Variants in LIX1 observed in about 807,000 individuals in gnomAD.
The protein encoded by LIX1 is limb and CNS expressed 1, also known as protein limb expression 1 homolog.
Under a neutral mutation model 33.4 loss-of-function variants are expected in LIX1, and 24 were observed. That is an observed-to-expected ratio of 0.72 (90% CI 0.52 to 1.01). The LOEUF is 1.01. Among genes scored for constraint, LIX1 ranks in the 50% least tolerant of loss-of-function variants. The pLI, the probability that LIX1 is intolerant of heterozygous loss-of-function variation, is 0.00. For missense variants in LIX1, 311 were observed against 339.2 expected, an observed-to-expected ratio of 0.92 and a Z score of 0.65; for synonymous variants, 124 against 124.0, an observed-to-expected ratio of 1.00 and a Z score of 0.00.
At chr5:97,114,221 G>A (rs750726914) in intron 2 of LIX1, among the ~76,000 whole-genome samples, 2 of 152,144 alleles carry the variant, frequency 1.3e-5, no homozygotes, top group Non-Finnish European at 2.9e-5. Flanking sequence ...TTCTCTGGCC[G>A]GGCATGGTAG....
chr5:97,113,051 CTT>C (rs1257225589), intron 2 of LIX1, among the ~76,000 whole-genome samples: 3 of 152,188 alleles, frequency 2.0e-5, no homozygotes, highest in Non-Finnish European at 4.4e-5. Flanking sequence ...CTTGCCATCT[CTT>C]TATAAGAGAA....
chr5:97,107,386 C>T lies in LIX1; in HGVS notation c.361G>A (p.Val121Ile). Residue 121 changes from valine (V) to isoleucine (I), a missense_variant, in exon 3 of 6, where the codon GTT (valine) becomes ATT (isoleucine). Transcript: ENST00000274382. ...CTGGTGGAGGCTACTGCTTCCTGAA[C>T]ACTTTCCATAATGAATTCCTTGGTG... ...RITKEFIMESVQEAVASTSGT... is the reference protein window; with the variant it reads ...RITKEFIMESIQEAVASTSGT... 6.2e-7 allele frequency: 1 copy of T among 1,612,396 alleles called. No homozygotes were observed. Among genetic ancestry groups the T allele is most frequent in the Non-Finnish European group, 8.5e-7 (1 of 1,179,990 alleles).
At chr5:97,123,148 A>G (rs940954359) in intron 2 of LIX1, among the ~76,000 whole-genome samples, 8 of 152,146 alleles carry the variant, frequency 5.3e-5, no homozygotes, top group African/African-American at 1.9e-4. Flanking sequence ...TGTTCCTAAG[A>G]GCATTCCTTG....
At chr5:97,130,827 TC>T (rs1052206934) in intron 1 of LIX1, among the ~76,000 whole-genome samples, 1 of 152,220 alleles carries the variant, frequency 6.6e-6, no homozygotes, top group Non-Finnish European at 1.5e-5. Context: ...ACTTTGCAGA[TC>T]GAGCTTCTTA....
At chr5:97,097,068 C>T (rs546296618) in intron 4 of LIX1, among the ~76,000 whole-genome samples, 181 bp from the exon 5 acceptor site, 1 of 152,316 alleles carries the variant, frequency 6.6e-6, no homozygotes, top group East Asian at 1.9e-4. Context: ...TTCTCTTCCT[C>T]CTTTGCTATA....
intron 1 of LIX1, among the ~76,000 whole-genome samples, chr5:97,129,400 T>TA (rs994688664): frequency 5.3e-4 from 79 of 149,498 alleles, no homozygotes; most frequent in African/African-American, 1.3e-3. Flanking sequence ...TAACAAGATT[T>TA]AAAAAAAAAA....
At chr5:97,096,647 A>G (rs1746389268) in intron 5 of LIX1, among the ~76,000 whole-genome samples, 163 bp downstream of exon 5, 1 of 152,162 alleles carries the variant, frequency 6.6e-6, no homozygotes, top group South Asian at 2.1e-4. Context: ...CCCTGACTCA[A>G]TGGGGCTGTT....
At chr5:97,128,942 C>G (rs1039257538) in intron 1 of LIX1, among the ~76,000 whole-genome samples, 7 of 152,198 alleles carry the variant, frequency 4.6e-5, no homozygotes, top group African/African-American at 1.7e-4. Context: ...GGTAATATCA[C>G]TGAATCTCAT....
rs1470767042 is a variant in LIX1, at chr5:97,093,359, T to G, written c.*1389A>C. On this transcript the variant is annotated 3_prime_UTR_variant, in exon 6 of 6. Transcript: ENST00000274382. ...AATTATTTTAAATTGAGAAAAACATTTTCTTTAATTTGGACTACTGAATAA... is the reference window on the plus strand; with the variant it reads ...AATTATTTTAAATTGAGAAAAACATGTTCTTTAATTTGGACTACTGAATAA... The G allele has an allele frequency of 1.3e-5, 2 of 152,466 alleles. No individual in the cohort carries two copies. The highest frequency in any genetic ancestry group is 2.4e-5 in the African/African-American group (1 of 41,590). The allele number at this position is 152,466 out of a possible 1,614,324, so 9.4% of individuals were successfully genotyped here.
chr5:97,129,997 C>G (rs1230252187), intron 1 of LIX1, among the ~76,000 whole-genome samples: 1 of 152,192 alleles, frequency 6.6e-6, no homozygotes, highest in Admixed American at 6.5e-5. Flanking sequence ...TGACATGTTT[C>G]CAACTTGGAA....
intron 4 of LIX1, among the ~76,000 whole-genome samples, chr5:97,104,431 T>C (rs1746901957): frequency 6.6e-6 from 1 of 152,200 alleles, no homozygotes; most frequent in Non-Finnish European, 1.5e-5. Context: ...CAGCCTGATA[T>C]AGGATAATAG....
At chr5:97,141,127 A>G (rs567973896) in intron 1 of LIX1, among the ~76,000 whole-genome samples, 1 of 149,588 alleles carries the variant, frequency 6.7e-6, no homozygotes, top group Admixed American at 6.6e-5. Flanking sequence ...CGTCCCCCCT[A>G]TTTTTTTTTT....
At chr5:97,127,816 C>A (rs547256695) in intron 1 of LIX1, among the ~76,000 whole-genome samples, 2 of 152,312 alleles carry the variant, frequency 1.3e-5, no homozygotes, top group South Asian at 4.1e-4. Flanking sequence ...ACAGAATAAA[C>A]TTGAGCTACC....
rs148471257 is a variant in LIX1 at position 97,112,233 on chromosome 5, C to T, written c.247-4733G>A. Among the ~76,000 whole-genome samples the T allele has an allele frequency of 3.4e-3, 523 of 152,294 alleles. 12 individuals are homozygous for T. Among genetic ancestry groups the T allele is most frequent in the Admixed American group, 0.03 (455 of 15,304 alleles). On this transcript the variant is annotated intron_variant, in intron 2 of 5. Transcript: ENST00000274382. ...TACTGGGGGAAGAAATTTAGCCAAA[C>T]GGCAATCTGCTTGGTTGCAATCTAA...
chr5:97,125,155 G>A (rs1747886399), intron 1 of LIX1, among the ~76,000 whole-genome samples: 1 of 152,192 alleles, frequency 6.6e-6, no homozygotes, highest in South Asian at 2.1e-4. Context: ...ATGAAAGGCA[G>A]TTGTAGAATA....
chr5:97,113,333 CT>C (rs767701386), intron 2 of LIX1, among the ~76,000 whole-genome samples: 1 of 152,236 alleles, frequency 6.6e-6, no homozygotes, highest in Non-Finnish European at 1.5e-5. Context: ...TCCTCGGAAA[CT>C]GTGCGAGACA....
intron 2 of LIX1, among the ~76,000 whole-genome samples, chr5:97,115,803 T>G (rs974529688): frequency 6.6e-6 from 1 of 151,704 alleles, no homozygotes; most frequent in Non-Finnish European, 1.5e-5. Flanking sequence ...TGTGACAGAT[T>G]GTATCTATTT....
intron 1 of LIX1, among the ~76,000 whole-genome samples, chr5:97,128,109 T>A (rs901417869): frequency 2.0e-5 from 3 of 152,242 alleles, no homozygotes; most frequent in African/African-American, 4.8e-5. Context: ...ATTAAAATGC[T>A]CCCAATATAG....
At chr5:97,130,515 A>G (rs1748031718) in intron 1 of LIX1, among the ~76,000 whole-genome samples, 1 of 152,210 alleles carries the variant, frequency 6.6e-6, no homozygotes, top group Non-Finnish European at 1.5e-5. Flanking sequence ...GAGAAAGCAG[A>G]GGGGTAGCAG....
Sources: gnomAD v4.1 joint callset for allele counts (sites outside exome capture counted in the v4.1 genomes callset) on GRCh38, gnomAD v4.1.1 for gene constraint, MANE v1.5 for transcripts, NCBI Gene and HGNC (gene_info 2026-07-23, HGNC 2026-07-21) for gene names.